Variants in MARCO observed in about 807,000 individuals in gnomAD.
MARCO encodes the protein macrophage receptor MARCO.
A neutral mutation model predicts 70.0 loss-of-function variants in MARCO; 72 were observed. The observed-to-expected ratio is 1.03, with a 90% confidence interval of 0.85 to 1.25. MARCO has a LOEUF of 1.25. Ranked by LOEUF, MARCO falls within the 50% of genes most tolerant of loss-of-function variation. MARCO has a pLI of 0.00. For missense variants in MARCO, 696 were observed against 659.3 expected, an observed-to-expected ratio of 1.06 and a Z score of -0.61; for synonymous variants, 273 against 243.1, an observed-to-expected ratio of 1.12 and a Z score of -1.14.
chr2:118,946,347 AC>A (rs535069308), intron 1 of MARCO, among the ~76,000 whole-genome samples: 176 of 152,212 alleles, frequency 1.2e-3, no homozygotes, highest in African/African-American at 4.1e-3. Flanking sequence ...GCAGTCATCA[AC>A]CCCTGGCAAC....
chr2:118,986,891 T>A (rs1020507054), intron 12 of MARCO, among the ~76,000 whole-genome samples: 8 of 152,134 alleles, frequency 5.3e-5, no homozygotes, highest in Non-Finnish European at 1.0e-4. Flanking sequence ...AACTTACCCC[T>A]GACTAGCTGA....
intron 8 of MARCO, 106 bp downstream of exon 8, chr2:118,978,041 G>A: frequency 4.4e-6 from 3 of 676,554 alleles, no homozygotes; most frequent in South Asian, 3.8e-5. Context: ...GGGCAAGGCA[G>A]TGCTCTGTCT....
intron 12 of MARCO, among the ~76,000 whole-genome samples, chr2:118,987,894 C>A (rs1446085166): frequency 6.6e-6 from 1 of 152,196 alleles, no homozygotes; most frequent in Non-Finnish European, 1.5e-5. Context: ...GTCTTGGGAA[C>A]CAAGTGCGTA....
intron 2 of MARCO, among the ~76,000 whole-genome samples, chr2:118,969,655 G>T (rs184502295): frequency 1.3e-5 from 2 of 152,202 alleles, no homozygotes; most frequent in African/African-American, 4.8e-5. Flanking sequence ...CCAATCTAAA[G>T]GTTAAAGTCA....
intron 1 of MARCO, among the ~76,000 whole-genome samples, chr2:118,950,543 T>G (rs1370537809): frequency 6.6e-6 from 1 of 152,250 alleles, no homozygotes; most frequent in Non-Finnish European, 1.5e-5. Context: ...TTTGCTTTCC[T>G]TACATACCTT....
At chr2:118,991,647 A>G (rs891738067) in intron 13 of MARCO, 130 bp from the exon 14 acceptor site, 2 of 584,294 alleles carry the variant, frequency 3.4e-6, no homozygotes, top group Non-Finnish European at 6.1e-6. Context: ...CAGGCTGAAC[A>G]TTCAGATAGC....
Position 118,970,343 on chromosome 2 carries a change from G to A in MARCO, c.424+5G>A. 1.2e-6 allele frequency: 2 copies of A among 1,606,446 alleles called. No homozygotes were observed. Among genetic ancestry groups the A allele is most frequent in the South Asian group, 2.2e-5 (2 of 90,192 alleles). ...ACAACTTCACTCAGAACCCAGGTTT[G>A]GCCTCCTCCCCTCTGGGTCAGGACT... On this transcript the variant is annotated splice_donor_5th_base_variant and intron_variant, in intron 3 of 16. Transcript: ENST00000327097.
Position 118,986,709 on chromosome 2 carries a change from GAAAGAAAGAAAGA to G in MARCO, c.1064-3864_1064-3852del, listed in dbSNP as rs1477130356. 2.4e-3 allele frequency among the ~76,000 whole-genome samples: 216 copies of G among 89,784 alleles called. 29 individuals carry two copies. Among genetic ancestry groups the G allele is most frequent in the African/African-American group, 0.01 (201 of 19,312 alleles). 58.9% of individuals were successfully genotyped at this position (89,784 alleles called of 152,430 possible). On this transcript the variant is annotated intron_variant, in intron 12 of 16. Transcript: ENST00000327097. ...AGAAAGAAAGAAAGAAAGAAAGAAAGAAAGAAAGAAAGAAAAGAAAGAAAGAAAGAGAAAGAAA... is the reference window on the plus strand; with the variant it reads ...AGAAAGAAAGAAAGAAAGAAAGAAAGAAAGAAAGAAAGAAAGAGAAAGAAA...
chr2:118,977,638 CT>C lies in MARCO; in HGVS notation c.658+124del. The C allele has an allele frequency of 9.0e-6, 8 of 885,326 alleles. 1 individual carries two copies. In the South Asian group the frequency reaches 1.2e-4, roughly 14 times the overall value. 54.8% of individuals were successfully genotyped at this position (885,326 alleles called of 1,614,324 possible). On this transcript the variant is annotated intron_variant, in intron 7 of 16. Transcript: ENST00000327097. ...CAGCCCCTGACAGTTACTGCCCACC[CT>C]ACAGTCCTCTTCTCTTGAGTCCTGT...
intron 1 of MARCO, among the ~76,000 whole-genome samples, chr2:118,965,072 C>A (rs1680019741): frequency 6.6e-6 from 1 of 151,942 alleles, no homozygotes; most frequent in Admixed American, 6.6e-5. Context: ...TTGGCAGTTT[C>A]TTTAATCTGT....
chr2:118,994,372 T>G lies in MARCO; in HGVS notation c.1430-15T>G. Reference sequence around the variant, plus strand: ...CTACCCTTCTTCCTCTGTCTCTTGCTTTCTCTCTATCAAGGCACTGGGCAG... The same window carrying G: ...CTACCCTTCTTCCTCTGTCTCTTGCGTTCTCTCTATCAAGGCACTGGGCAG... On this transcript the variant is annotated splice_polypyrimidine_tract_variant and intron_variant, in intron 16 of 16. Transcript: ENST00000327097. 2 of 1,614,046 alleles carry G rather than the reference T, an allele frequency of 1.2e-6. No homozygotes were observed. Among genetic ancestry groups the G allele is most frequent in the Non-Finnish European group, 1.7e-6 (2 of 1,179,956 alleles).
intron 1 of MARCO, among the ~76,000 whole-genome samples, chr2:118,955,924 A>G (rs1438699112): frequency 6.6e-6 from 1 of 151,980 alleles, no homozygotes; most frequent in Non-Finnish European, 1.5e-5. Context: ...ACCATGGCCA[A>G]GCCACCACAA....
chr2:118,990,301 A>C (rs1680596111), intron 12 of MARCO, among the ~76,000 whole-genome samples: 1 of 152,200 alleles, frequency 6.6e-6, no homozygotes, highest in Non-Finnish European at 1.5e-5. Context: ...TTTAGATGCC[A>C]GGTCAGGTTA....
At chr2:118,953,612 C>A (rs995114556) in intron 1 of MARCO, among the ~76,000 whole-genome samples, 2 of 152,116 alleles carry the variant, frequency 1.3e-5, no homozygotes, top group Non-Finnish European at 2.9e-5. Flanking sequence ...CATGCAGAGG[C>A]TTGCATTGTG....
intron 1 of MARCO, among the ~76,000 whole-genome samples, chr2:118,949,120 C>A (rs1679667300): frequency 6.6e-6 from 1 of 152,114 alleles, no homozygotes; most frequent in Non-Finnish European, 1.5e-5. Flanking sequence ...GGCTGATCCG[C>A]AGGGTGTTGA....
chr2:118,990,581 G>A lies in MARCO; in HGVS notation c.1064-8G>A. 2.0e-6 allele frequency: 2 copies of A among 979,062 alleles called. No homozygotes were observed. Among genetic ancestry groups the A allele is most frequent in the Admixed American group, 2.1e-5 (1 of 47,944 alleles). 60.6% of individuals were successfully genotyped at this position (979,062 alleles called of 1,614,324 possible). On this transcript the variant is annotated splice_polypyrimidine_tract_variant and splice_region_variant and intron_variant, in intron 12 of 16. Coordinates refer to ENST00000327097, the MANE Select transcript of MARCO (RefSeq NM_006770.4). ...TCCTCCCCCCCCCCTTTTTTGTTTT[G>A]ATCTTAGGACTTCAAGGACAGCAAG...
chr2:118,982,206 C>A lies in MARCO; in HGVS notation c.952C>A (p.Pro318Thr). 5.0e-6 allele frequency: 8 copies of A among 1,613,308 alleles called. No homozygotes were observed. The highest frequency in any genetic ancestry group is 5.9e-6 in the Non-Finnish European group (7 of 1,179,450). ...GGGCCCTCCTGGTGCAGTGGGACAC[C>A]CAGGTGCCAAGGGTGAGCCTGGCAG... Reference protein sequence around the residue: ...VPGPPGAVGHPGAKGEPGSAG... With the variant: ...VPGPPGAVGHTGAKGEPGSAG... Residue 318 changes from proline (P) to threonine (T), a missense_variant, in exon 11 of 17, where the codon CCA becomes ACA. Pro to Thr is a conservative substitution (Grantham distance 38). Coordinates refer to ENST00000327097, the MANE Select transcript of MARCO (RefSeq NM_006770.4).
chr2:118,946,033 T>C (rs1190243883), intron 1 of MARCO, among the ~76,000 whole-genome samples: 3 of 152,222 alleles, frequency 2.0e-5, no homozygotes, highest in Admixed American at 6.5e-5. Context: ...TGCCAATATT[T>C]CTCAACATCT....
At chr2:118,988,481 A>G (rs1207937827) in intron 12 of MARCO, among the ~76,000 whole-genome samples, 2 of 151,922 alleles carry the variant, frequency 1.3e-5, no homozygotes, top group Non-Finnish European at 2.9e-5. Flanking sequence ...ATGAAGCAGG[A>G]AACAGTCCAC....
Sources: allele counts gnomAD v4.1 joint callset (sites outside exome capture counted in the v4.1 genomes callset), GRCh38; gene constraint gnomAD v4.1.1; transcripts MANE v1.5; gene names NCBI Gene and HGNC (gene_info 2026-07-23, HGNC 2026-07-21).